Variants in TMEM117 observed in about 807,000 individuals in gnomAD.
TMEM117 encodes transmembrane protein 117.
TMEM117 carries 27 observed loss-of-function variants against 52.4 expected under a neutral mutation model. That is an observed-to-expected ratio of 0.51 (90% confidence interval 0.38 to 0.71). The LOEUF (loss-of-function observed/expected upper bound fraction) is 0.71. Ranked by LOEUF, TMEM117 falls within the 30% of genes least tolerant of loss-of-function variation. The probability of loss-of-function intolerance (pLI) is 0.00; values close to 1 mark genes in which losing one functional copy is unlikely to be tolerated. For missense variants in TMEM117, 556 were observed against 630.5 expected (o/e 0.88, Z 1.26); for synonymous variants, 215 against 206.3 (o/e 1.04, Z -0.36).
At chr12:43,958,847 C>A (rs1945351816) in intron 3 of TMEM117, among the ~76,000 whole-genome samples, 1 of 151,978 alleles carries the variant, frequency 6.6e-6, no homozygotes, top group African/African-American at 2.4e-5. Flanking sequence ...CACTCTGTCG[C>A]CCTGGCTGGA....
chr12:44,344,382 G>A (rs1951456584), intron 6 of TMEM117, among the ~76,000 whole-genome samples: 2 of 152,088 alleles, frequency 1.3e-5, no homozygotes, highest in African/African-American at 2.4e-5. Context: ...TTTGTACTTG[G>A]TTTAATGACA....
At chr12:44,189,334 A>G (rs968612317) in intron 4 of TMEM117, among the ~76,000 whole-genome samples, 2 of 152,204 alleles carry the variant, frequency 1.3e-5, no homozygotes, top group East Asian at 1.9e-4. Context: ...ACTGCAGAAA[A>G]TGATATTTCT....
chr12:43,982,889 C>T (rs576520165), intron 3 of TMEM117, among the ~76,000 whole-genome samples: 1 of 152,230 alleles, frequency 6.6e-6, no homozygotes, highest in Admixed American at 6.5e-5. Context: ...CATATGCTAC[C>T]TCATTTTCCC....
chr12:44,042,294 G>GT (rs534762729), intron 3 of TMEM117, among the ~76,000 whole-genome samples: 1,692 of 139,676 alleles, frequency 0.012, 39 homozygotes, highest in African/African-American at 0.04. Context: ...TATGTTTTTG[G>GT]TTTTTTTTTT....
chr12:44,184,236 C>CTTGGGAA (rs1270269791), intron 4 of TMEM117, among the ~76,000 whole-genome samples: 1 of 152,074 alleles, frequency 6.6e-6, no homozygotes, highest in Admixed American at 6.6e-5. Flanking sequence ...ATCCCAGCTA[C>CTTGGGAA]TTGGGAAGCT....
At chr12:44,079,315 T>C (rs1002015719) in intron 3 of TMEM117, among the ~76,000 whole-genome samples, 3 of 152,180 alleles carry the variant, frequency 2.0e-5, no homozygotes, top group African/African-American at 7.2e-5. Flanking sequence ...TTGAACTAAT[T>C]TACACTCCCA....
chr12:44,195,038 A>G (rs909215191), intron 4 of TMEM117, among the ~76,000 whole-genome samples: 3 of 152,202 alleles, frequency 2.0e-5, no homozygotes, highest in African/African-American at 4.8e-5. Flanking sequence ...GTTACCATAA[A>G]CTTAACAGCA....
chr12:43,798,636 A>G, the TMEM117 span: 3 of 1,428,942 alleles, frequency 2.1e-6, no homozygotes, highest in Non-Finnish European at 2.8e-6. Context: ...AAAAAAAAAA[A>G]TCACATAAAA....
chr12:43,934,742 T>A (rs1483474348), intron 2 of TMEM117, among the ~76,000 whole-genome samples: 3 of 152,216 alleles, frequency 2.0e-5, no homozygotes, highest in Non-Finnish European at 4.4e-5. Flanking sequence ...CTATTCCTAA[T>A]AAGAGATGAT....
At chr12:44,034,903 G>C (rs779341184) in intron 3 of TMEM117, among the ~76,000 whole-genome samples, 16 of 152,186 alleles carry the variant, frequency 1.1e-4, no homozygotes, top group Non-Finnish European at 2.1e-4. Flanking sequence ...GCAGGCACCA[G>C]TCAATCTTTT....
At chr12:44,268,143 CTTT>C (rs759345644) in intron 5 of TMEM117, among the ~76,000 whole-genome samples, 1 of 145,352 alleles carries the variant, frequency 6.9e-6, no homozygotes. Context: ...ATCATGACAT[CTTT>C]TTTTTTTTTG....
At chr12:44,310,960 G>T (rs946245328) in intron 6 of TMEM117, among the ~76,000 whole-genome samples, 1 of 152,086 alleles carries the variant, frequency 6.6e-6, no homozygotes, top group Non-Finnish European at 1.5e-5. Context: ...GTGAATGTTT[G>T]CTATTGCTTT....
chr12:44,304,137 C>T (rs937975576), intron 6 of TMEM117, among the ~76,000 whole-genome samples: 1 of 152,230 alleles, frequency 6.6e-6, no homozygotes, highest in African/African-American at 2.4e-5. Flanking sequence ...TGATACCTCT[C>T]TTCCCCCATC....
At chr12:44,066,018 C>A (rs1471028856) in intron 3 of TMEM117, among the ~76,000 whole-genome samples, 1 of 152,112 alleles carries the variant, frequency 6.6e-6, no homozygotes, top group Non-Finnish European at 1.5e-5. Context: ...GAGACTAGTG[C>A]AGCAGTGGTG....
At chr12:44,180,131 G>A (rs1383992943) in intron 4 of TMEM117, among the ~76,000 whole-genome samples, 1 of 152,026 alleles carries the variant, frequency 6.6e-6, no homozygotes, top group Non-Finnish European at 1.5e-5. Flanking sequence ...AAAAAATGTG[G>A]CCCCTGACTG....
In TMEM117 at chr12:44,204,020, T is replaced by G. The variant is rs958495034; in HGVS notation, c.511-7270T>G. 5.9e-5 allele frequency among the ~76,000 whole-genome samples: 9 copies of G among 152,136 alleles called. 1 individual carries two copies. Among genetic ancestry groups the G allele is most frequent in the Admixed American group, 6.5e-5 (1 of 15,274 alleles). On this transcript the variant is annotated intron_variant, in intron 4 of 7. Transcript: ENST00000266534. ...CCTGAGAACCGGAACAAGACAAGGA[T>G]ACCCACTCTCATGACTACTATTCAA...
At chr12:44,045,798 G>C (rs146927180) in intron 3 of TMEM117, among the ~76,000 whole-genome samples, 3 of 152,122 alleles carry the variant, frequency 2.0e-5, no homozygotes, top group Non-Finnish European at 4.4e-5. Context: ...AGCCGAGATC[G>C]TGCCTCTGCA....
At position 44,388,035 on chromosome 12, in the gene TMEM117, T is replaced by TG; in HGVS notation, c.908_909insG (p.Phe303LeufsTer2). ...TTCTTTTTTAATGCAGGCAAATGGT[T>TG]TAACTATGGAATTATCTTCCTCGTC... On this transcript the variant is annotated frameshift_variant, in exon 8 of 8. Coordinates refer to ENST00000266534, the MANE Select transcript of TMEM117 (RefSeq NM_032256.3). LOFTEE classifies it high-confidence loss of function. The TG allele has an allele frequency of 1.2e-6, 2 of 1,607,786 alleles. No individual in the cohort carries two copies. The highest frequency in any genetic ancestry group is 1.7e-6 in the Non-Finnish European group (2 of 1,176,954).
chr12:44,260,714 A>G (rs1166676084), intron 5 of TMEM117, among the ~76,000 whole-genome samples: 1 of 152,204 alleles, frequency 6.6e-6, no homozygotes, highest in Non-Finnish European at 1.5e-5. Flanking sequence ...GTTTACGGAT[A>G]GAGATTAGTT....
Sources: allele counts gnomAD v4.1 joint callset (sites outside exome capture counted in the v4.1 genomes callset), GRCh38; gene constraint gnomAD v4.1.1; transcripts MANE v1.5; gene names NCBI Gene and HGNC (gene_info 2026-07-23, HGNC 2026-07-21).